SMOC1: variants seen among roughly 807,000 people sequenced by gnomAD.
SMOC1 encodes the protein SPARC related modular calcium binding 1.
A neutral mutation model predicts 56.3 loss-of-function variants in SMOC1; 22 were observed. The ratio of observed to expected loss-of-function variants is 0.39; its 90% CI spans 0.28 to 0.56. SMOC1 has a LOEUF of 0.56. Among genes scored for constraint, SMOC1 ranks in the 20% least tolerant of loss-of-function variants. The probability of loss-of-function intolerance (pLI) is 0.61; values close to 1 mark genes in which losing one functional copy is unlikely to be tolerated. For missense variants in SMOC1, 509 were observed against 565.4 expected, an observed-to-expected ratio of 0.90 and a Z score of 1.01; for synonymous variants, 193 against 215.0, an observed-to-expected ratio of 0.90 and a Z score of 0.89.
intron 1 of SMOC1, among the ~76,000 whole-genome samples, chr14:69,913,418 C>A (rs1884605648): frequency 6.6e-6 from 1 of 152,006 alleles, no homozygotes; most frequent in Non-Finnish European, 1.5e-5. Context: ...TACAGGGCAC[C>A]TAGTTAAATT....
intron 10 of SMOC1, among the ~76,000 whole-genome samples, chr14:70,017,296 C>T (rs558872088): frequency 4.9e-4 from 74 of 152,258 alleles, no homozygotes; most frequent in African/African-American, 1.5e-3. Flanking sequence ...GGACTTGGAG[C>T]GCCATGCAGA....
At chr14:69,962,882 G>T (rs1238936105) in intron 3 of SMOC1, among the ~76,000 whole-genome samples, 1 of 152,122 alleles carries the variant, frequency 6.6e-6, no homozygotes, top group African/African-American at 2.4e-5. Flanking sequence ...TGGCCAAAAA[G>T]CTTTAGTTTT....
intron 1 of SMOC1, among the ~76,000 whole-genome samples, chr14:69,904,792 T>C (rs1409558411): frequency 6.6e-6 from 1 of 152,192 alleles, no homozygotes; most frequent in Non-Finnish European, 1.5e-5. Context: ...GAGGTAATCA[T>C]ACTTCCTTCA....
intron 11 of SMOC1, among the ~76,000 whole-genome samples, chr14:70,023,672 C>A (rs1448881759): frequency 6.6e-6 from 1 of 152,212 alleles, no homozygotes; most frequent in African/African-American, 2.4e-5. Context: ...CTCACATGAG[C>A]TGTGATACAT....
intron 1 of SMOC1, among the ~76,000 whole-genome samples, chr14:69,931,555 A>T (rs1349695354): frequency 1.3e-5 from 2 of 152,264 alleles, no homozygotes; most frequent in African/African-American, 4.8e-5. Flanking sequence ...CACTTAAGAA[A>T]TAATTGTTGA....
At chr14:69,899,657 T>C (rs1357867161) in intron 1 of SMOC1, among the ~76,000 whole-genome samples, 2 of 152,230 alleles carry the variant, frequency 1.3e-5, no homozygotes, top group African/African-American at 2.4e-5. Context: ...AGGAGATTTT[T>C]CTTTGATATT....
At chr14:70,020,952 C>T (rs929966187) in intron 10 of SMOC1, among the ~76,000 whole-genome samples, 2 of 152,164 alleles carry the variant, frequency 1.3e-5, no homozygotes, top group African/African-American at 4.8e-5. Context: ...CCCAGAAACA[C>T]GTGTTGGAGG....
chr14:69,888,438 T>C (rs1191927982), intron 1 of SMOC1, among the ~76,000 whole-genome samples: 1 of 152,244 alleles, frequency 6.6e-6, no homozygotes, highest in Non-Finnish European at 1.5e-5. Flanking sequence ...CAGCATCCTT[T>C]TTTTGAGTCA....
chr14:69,927,384 T>A (rs1350830141), intron 1 of SMOC1, among the ~76,000 whole-genome samples: 1 of 152,130 alleles, frequency 6.6e-6, no homozygotes, highest in Non-Finnish European at 1.5e-5. Context: ...TAGGGCTAAA[T>A]AAGATGGTAG....
chr14:69,997,830 G>C (rs1025312171), intron 7 of SMOC1, among the ~76,000 whole-genome samples: 1 of 152,158 alleles, frequency 6.6e-6, no homozygotes, highest in Non-Finnish European at 1.5e-5. Flanking sequence ...AGAGTTTGAT[G>C]GATGATCCTG....
chr14:69,960,258 G>C (rs77041705), intron 3 of SMOC1, among the ~76,000 whole-genome samples: 4 of 152,258 alleles, frequency 2.6e-5, no homozygotes, highest in Admixed American at 2.6e-4. Context: ...GATATATCTT[G>C]CCTAGAGCAA....
At chr14:69,940,540 C>A (rs1277521841) in intron 1 of SMOC1, among the ~76,000 whole-genome samples, 1 of 152,200 alleles carries the variant, frequency 6.6e-6, no homozygotes, top group Admixed American at 6.5e-5. Flanking sequence ...ATTTAACAAA[C>A]CCTTCCTATC....
intron 5 of SMOC1, among the ~76,000 whole-genome samples, chr14:69,986,798 G>C (rs1014466455): frequency 6.6e-6 from 1 of 152,120 alleles, no homozygotes; most frequent in South Asian, 2.1e-4. Context: ...GCAGCTTTCA[G>C]CTTGTTTTCA....
intron 1 of SMOC1, among the ~76,000 whole-genome samples, chr14:69,902,614 T>TCTCCCC (rs911069549): frequency 6.6e-6 from 1 of 152,026 alleles, no homozygotes; most frequent in Non-Finnish European, 1.5e-5. Flanking sequence ...TCCCTCTCCC[T>TCTCCCC]CTCCCCACGG....
Position 69,977,817 on chromosome 14 carries a change from A to C in SMOC1, c.479-101A>C, listed in dbSNP as rs1884023007. ...AGATGTGTATACAATACATATATAC[A>C]TGACCATATGCTCATAACATCAGGT... On this transcript the variant is annotated intron_variant, in intron 4 of 11. Transcript: ENST00000361956. 5.7e-6 allele frequency: 5 copies of C among 879,694 alleles called. No homozygotes were observed. In the Admixed American group the frequency reaches 8.5e-5, roughly 15 times the overall value. The allele number at this position is 879,694 out of a possible 1,614,324, so 54.5% of individuals were successfully genotyped here. A position where few individuals can be genotyped will look rare whatever the true frequency, so the allele number is the denominator to read the frequency against.
Position 69,879,582 on chromosome 14 carries a change from C to G in SMOC1, c.-97C>G, listed in dbSNP as rs776298972. ...GACCACGGCCCGCTCCCCGCCGCCG[C>G]GAGGGCCCCGAGCGAAGGAAGGAAG... On this transcript the variant is annotated 5_prime_UTR_variant, in exon 1 of 12. Transcript: ENST00000361956. 51 of 983,240 alleles carry G rather than the reference C, an allele frequency of 5.2e-5. No individual in the cohort carries two copies. The highest frequency in any genetic ancestry group is 6.5e-5 in the Non-Finnish European group (48 of 736,890). 60.9% of individuals were successfully genotyped at this position (983,240 alleles called of 1,614,324 possible).
intron 1 of SMOC1, among the ~76,000 whole-genome samples, chr14:69,902,681 G>T (rs1339184657): frequency 1.3e-5 from 2 of 151,634 alleles, no homozygotes; most frequent in South Asian, 2.1e-4. Context: ...AAGCTGGACT[G>T]TACTGCCGCC....
At chr14:69,950,756 T>A (rs1882966710) in intron 1 of SMOC1, among the ~76,000 whole-genome samples, 1 of 152,232 alleles carries the variant, frequency 6.6e-6, no homozygotes, top group African/African-American at 2.4e-5. Context: ...GTTCTCCAAC[T>A]GTATTCTGTT....
intron 1 of SMOC1, among the ~76,000 whole-genome samples, chr14:69,938,071 C>G (rs1882389218): frequency 6.6e-6 from 1 of 152,176 alleles, no homozygotes; most frequent in South Asian, 2.1e-4. Flanking sequence ...GTGTAAATCT[C>G]TCCACTGTGT....
Sources: gnomAD v4.1 joint callset for allele counts (sites outside exome capture counted in the v4.1 genomes callset) on GRCh38, gnomAD v4.1.1 for gene constraint, MANE v1.5 for transcripts, NCBI Gene and HGNC (gene_info 2026-07-23, HGNC 2026-07-21) for gene names.